Variants in DSP observed in about 807,000 individuals in gnomAD.
DSP encodes desmoplakin, also known as 250/210 kDa paraneoplastic pemphigus antigen.
Under a neutral mutation model 290.6 loss-of-function variants are expected in DSP, and 114 were observed. The observed-to-expected ratio is 0.39, with a 90% CI of 0.34 to 0.46. The LOEUF is 0.46. Among genes scored for constraint, DSP ranks in the 20% least tolerant of loss-of-function variants. The pLI is 0.99. For synonymous variants in DSP, 1,311 were observed against 1,316.4 expected, an observed-to-expected ratio of 1.00 and a Z score of 0.09; for missense variants, 3,230 against 3,495.8, an observed-to-expected ratio of 0.92 and a Z score of 1.92.
chr6:7,565,364 G>A lies in DSP; in HGVS notation c.783G>A (p.Ala261=), dbSNP rs764596108. Reference sequence around the variant, plus strand: ...CCTTTGAACCTCCTGTGCAGAAAGCGTCCTTTGAGAGGATGGATCACCTGC... The same window carrying A: ...CCTTTGAACCTCCTGTGCAGAAAGCATCCTTTGAGAGGATGGATCACCTGC... ...LEEEYENLLK[A]SFERMDHLRQ... The change falls in exon 7 of 24, where the codon GCG becomes GCA. Residue 261 remains alanine (A), a synonymous_variant. Coordinates refer to ENST00000379802, the MANE Select transcript of DSP (RefSeq NM_004415.4). The surrounding 1 kb of genome is among the most constrained non-coding windows in gnomAD (Gnocchi z 4.2). 46 of 1,614,018 alleles carry A rather than the reference G, an allele frequency of 2.9e-5. 1 individual carries two copies. Among genetic ancestry groups the A allele is most frequent in the Admixed American group, 2.0e-4 (12 of 60,012 alleles).
chr6:7,586,437 ATTAAT>A lies in DSP; in HGVS notation c.*562_*566del, dbSNP rs1759679554. 2 of 152,738 alleles carry A rather than the reference ATTAAT, an allele frequency of 1.3e-5. No homozygotes were observed. Among genetic ancestry groups the A allele is most frequent in the East Asian group, 1.9e-4 (1 of 5,192 alleles). The allele number at this position is 152,738 out of a possible 1,614,324, so 9.5% of individuals were successfully genotyped here. A position where few individuals can be genotyped will look rare whatever the true frequency, so the allele number is the denominator to read the frequency against. On this transcript the variant is annotated 3_prime_UTR_variant, in exon 24 of 24. Coordinates refer to ENST00000379802, the MANE Select transcript of DSP (RefSeq NM_004415.4). ...CTTCGATGTACTTGTTTGGTTTGGTATTAATTTGACTGTGCATGACAGCGGCAATC... is the reference window on the plus strand; with the variant it reads ...CTTCGATGTACTTGTTTGGTTTGGTATTGACTGTGCATGACAGCGGCAATC...
At chr6:7,554,695 A>G (rs1024119773) in intron 1 of DSP, among the ~76,000 whole-genome samples, 4 of 152,186 alleles carry the variant, frequency 2.6e-5, no homozygotes, top group Non-Finnish European at 5.9e-5. Flanking sequence ...CCGAGGCAAG[A>G]GTGCAGTGCT....
Position 7,542,020 on chromosome 6 carries a change from G to A in DSP, c.105G>A (p.Gly35=), listed in dbSNP as rs77445784. 7.8e-3 allele frequency: 12,438 copies of A among 1,584,904 alleles called. 62 individuals carry two copies. Among genetic ancestry groups the A allele is most frequent in the Non-Finnish European group, 9.6e-3 (11,173 of 1,166,514 alleles). Residue 35 remains glycine (G), a synonymous_variant, in exon 1 of 24, where the codon GGG becomes GGA. Coordinates refer to ENST00000379802, the MANE Select transcript of DSP (RefSeq NM_004415.4). The part of the protein sequence containing the change: ...DLRYEVTSGG[G]GTSRMYYSRR... ...GCTACGAGGTGACCAGCGGCGGCGG[G>A]GGCACCAGCAGGATGTACTATTCTC...
chr6:7,548,672 C>T (rs190690579), intron 1 of DSP, among the ~76,000 whole-genome samples: 1 of 152,080 alleles, frequency 6.6e-6, no homozygotes, highest in Non-Finnish European at 1.5e-5. Context: ...AGCTGCTGGG[C>T]GAAGACAAAA....
chr6:7,545,873 T>G (rs1452075410), intron 1 of DSP, among the ~76,000 whole-genome samples: 1 of 152,228 alleles, frequency 6.6e-6, no homozygotes, highest in East Asian at 1.9e-4. Flanking sequence ...CTGCGAAGCC[T>G]GTGGAGTGAT....
Position 7,579,727 on chromosome 6 carries a change from G to A in DSP, c.3537G>A (p.Gln1179=), listed in dbSNP as rs1759357947. 6.2e-7 allele frequency: 1 copy of A among 1,613,702 alleles called. No individual in the cohort carries two copies. Among genetic ancestry groups the A allele is most frequent in the Non-Finnish European group, 8.5e-7 (1 of 1,179,802 alleles). The change falls in exon 23 of 24, where the codon CAG becomes CAA. Residue 1179 remains glutamine, a synonymous_variant. Transcript: ENST00000379802. The surrounding 1 kb of genome is among the most constrained non-coding windows in gnomAD (Gnocchi z 4.1). ...TTGAAAGGTTGAGGGTTCTACTGCA[G>A]GAAGAAGGCACCCGGAAGAGAGAAT... ...YEIERLRVLL[Q]EEGTRKREYE... is the part of the protein sequence containing the mutation.
rs757107485 is a variant in DSP, at chr6:7,581,503, T to C, written c.5313T>C (p.Asn1771=). 1.9e-6 allele frequency: 3 copies of C among 1,614,018 alleles called. No individual in the cohort carries two copies. The highest frequency in any genetic ancestry group is 8.5e-7 in the Non-Finnish European group (1 of 1,179,998). Residue 1771 remains asparagine, a synonymous_variant, in exon 23 of 24, where the codon AAT becomes AAC. Coordinates refer to ENST00000379802, the MANE Select transcript of DSP (RefSeq NM_004415.4). The stretch of plus-strand genomic sequence containing the variant: ...CCCTGGAACTGCAGGGGCTGATTAA[T>C]GATTTACAGAGAGAGAGGGAAAATT... ...NRTLELQGLI[N]DLQRERENLR...
chr6:7,560,043 T>G (rs193229741), intron 4 of DSP, among the ~76,000 whole-genome samples: 48 of 152,256 alleles, frequency 3.2e-4, no homozygotes, highest in Non-Finnish European at 4.8e-4. Context: ...GACTAATGAT[T>G]GTTGTGTTGT....
chr6:7,577,731 T>G (rs1759283766), intron 20 of DSP, 48 bp from the exon 21 acceptor site: 1 of 1,434,064 alleles, frequency 7.0e-7, no homozygotes, highest in Non-Finnish European at 9.8e-7. Flanking sequence ...TTAGTGATGC[T>G]TTTTAAGTCT....
At position 7,584,940 on chromosome 6, in the gene DSP, A is replaced by C; in HGVS notation, c.7678A>C (p.Met2560Leu). 3.1e-6 allele frequency: 5 copies of C among 1,614,186 alleles called. No homozygotes were observed. The South Asian group carries it at 5.5e-5, about 18-fold the overall frequency. ...CCTCAGCCTCACTCAATTTGCTGAC[A>C]TGATCTCCTTGAAAAATGGTGTCGG... The part of the protein sequence containing the change: ...GSLSLTQFAD[M>L]ISLKNGVGTS... Residue 2560 changes from methionine to leucine, a missense_variant, in exon 24 of 24, where the codon ATG becomes CTG. This residue lies in a region of DSP where 582 missense variants were observed against 555.4 expected (regional missense o/e 1.05). Transcript: ENST00000379802. The surrounding 1 kb of genome is among the most constrained non-coding windows in gnomAD (Gnocchi z 6.4).
chr6:7,546,369 G>C (rs968089854), intron 1 of DSP, among the ~76,000 whole-genome samples: 1 of 152,132 alleles, frequency 6.6e-6, no homozygotes, highest in African/African-American at 2.4e-5. Flanking sequence ...ACATTTACAT[G>C]GTTATTAAAT....
rs777088675 is a variant in DSP at position 7,570,465 on chromosome 6, G to C, written c.1603G>C (p.Ala535Pro). 1 of 1,614,084 alleles carries C rather than the reference G, an allele frequency of 6.2e-7. No individual in the cohort carries two copies. Among genetic ancestry groups the C allele is most frequent in the Non-Finnish European group, 8.5e-7 (1 of 1,180,004 alleles). Residue 535 changes from alanine (A) to proline (P), a missense_variant, in exon 13 of 24, where the codon GCT (alanine) becomes CCT (proline). Transcript: ENST00000379802. ...TGAGCAGTACTACGAAGCCATCTTG[G>C]CTCTGTGGAACCAGCTCTACATCAA... is the stretch of plus-strand genomic sequence containing the variant. ...KIEQYYEAIL[A>P]LWNQLYINMK...
rs764861074 is a variant in DSP at position 7,568,606 on chromosome 6, A to G, written c.1419+17A>G. The G allele has an allele frequency of 4.2e-5, 68 of 1,613,292 alleles. No individual in the cohort carries two copies. The highest frequency in any genetic ancestry group is 5.8e-5 in the Non-Finnish European group (68 of 1,179,988). ...CAAGATCAGGTGTGTACTCATTTAGAATGATACAAAAGTTTTCCCTGTCTT... is the reference window on the plus strand; with the variant it reads ...CAAGATCAGGTGTGTACTCATTTAGGATGATACAAAAGTTTTCCCTGTCTT... On this transcript the variant is annotated intron_variant, in intron 11 of 23. Coordinates refer to ENST00000379802, the MANE Select transcript of DSP (RefSeq NM_004415.4).
In DSP at chr6:7,580,077, A is replaced by C; in HGVS notation, c.3887A>C (p.Lys1296Thr). The C allele has an allele frequency of 4.3e-6, 7 of 1,614,108 alleles. No individual in the cohort carries two copies. The highest frequency in any genetic ancestry group is 5.1e-6 in the Non-Finnish European group (6 of 1,180,018). The change falls in exon 23 of 24, where the codon AAG becomes ACG. Residue 1296 changes from lysine to threonine, a missense_variant. Coordinates refer to ENST00000379802, the MANE Select transcript of DSP (RefSeq NM_004415.4). The surrounding 1 kb of genome is among the most constrained non-coding windows in gnomAD (Gnocchi z 4.2). ...AAGCAGCATCTGGAGATAGAACTGA[A>C]GCAGGTCATGCAGCAGCGCTCTGAG... ...QKKQHLEIEL[K>T]QVMQQRSEDN...
chr6:7,574,250 T>C lies in DSP; in HGVS notation c.2295T>C (p.Asn765=). ...NINGVTDGYL[N]SLCTVRALLQ... The stretch of plus-strand genomic sequence containing the variant: ...ATGGTGTTACAGATGGCTACTTAAA[T>C]AGGTAAACTCAGCTAACACTAATCT... Residue 765 remains asparagine, a splice_region_variant and synonymous_variant, in exon 16 of 24, where the codon AAT becomes AAC. Transcript: ENST00000379802. 6.2e-7 allele frequency: 1 copy of C among 1,613,536 alleles called. No individual in the cohort carries two copies. The highest frequency in any genetic ancestry group is 8.5e-7 in the Non-Finnish European group (1 of 1,179,864).
intron 5 of DSP, among the ~76,000 whole-genome samples, chr6:7,563,258 A>G (rs1356609230): frequency 6.6e-6 from 1 of 152,080 alleles, no homozygotes; most frequent in Non-Finnish European, 1.5e-5. Context: ...ATAAAATCAT[A>G]ACTGATCTTA....
At chr6:7,564,315 A>G (rs1308708218) in intron 6 of DSP, among the ~76,000 whole-genome samples, 1 of 152,228 alleles carries the variant, frequency 6.6e-6, no homozygotes, top group Non-Finnish European at 1.5e-5. Context: ...CAGTCATATC[A>G]GTTACTTGAT....
At position 7,583,520 on chromosome 6, in the gene DSP, A is replaced by G. The variant is rs1759521996; in HGVS notation, c.6258A>G (p.Ile2086Met). 6.2e-7 allele frequency: 1 copy of G among 1,614,094 alleles called. No homozygotes were observed. Among genetic ancestry groups the G allele is most frequent in the Non-Finnish European group, 8.5e-7 (1 of 1,180,056 alleles). ...DLIDFDDRQQ[I>M]YAAEKAITGF... ...TTGACTTCGATGACCGTCAGCAGAT[A>G]TATGCAGCAGAAAAAGCTATCACTG... Residue 2086 changes from isoleucine (I) to methionine (M), a missense_variant, in exon 24 of 24, where the codon ATA (isoleucine) becomes ATG (methionine). By Grantham distance (10) the Ile-to-Met change is conservative (BLOSUM62 1). Around this residue, in one of 5 missense-constraint regions of DSP, gnomAD observed 1,714 missense variants for 1,844.5 expected, o/e 0.93. Transcript: ENST00000379802. The surrounding 1 kb of genome is among the most constrained non-coding windows in gnomAD (Gnocchi z 4.0).
intron 2 of DSP, among the ~76,000 whole-genome samples, chr6:7,557,701 A>T (rs550756051): frequency 6.6e-6 from 1 of 152,270 alleles, no homozygotes; most frequent in African/African-American, 2.4e-5. Flanking sequence ...AATAAAAATA[A>T]AAAAAGAACT....
Sources: allele counts gnomAD v4.1 joint callset (sites outside exome capture counted in the v4.1 genomes callset), GRCh38; gene constraint gnomAD v4.1.1; regional missense constraint gnomAD v4.1.1; non-coding constraint Gnocchi (gnomAD v3.1); transcripts MANE v1.5; gene names NCBI Gene and HGNC (gene_info 2026-07-23, HGNC 2026-07-21).